INPP4B: variants seen among roughly 807,000 people sequenced by gnomAD.
INPP4B encodes the protein inositol polyphosphate-4-phosphatase type II B.
Under a neutral mutation model 122.5 loss-of-function variants are expected in INPP4B, and 55 were observed. The observed-to-expected ratio is 0.45, with a 90% CI of 0.36 to 0.56. The LOEUF (loss-of-function observed/expected upper bound fraction) is 0.56. Ranked by LOEUF, INPP4B falls within the 20% of genes least tolerant of loss-of-function variation. INPP4B has a pLI of 0.00. For missense variants in INPP4B, 1,000 were observed against 1,097.7 expected (o/e 0.91, Z 1.26); for synonymous variants, 403 against 388.7 (o/e 1.04, Z -0.43).
chr4:142,403,572 T>G (rs2149167977), intron 6 of INPP4B, among the ~76,000 whole-genome samples: 1 of 152,282 alleles, frequency 6.6e-6, no homozygotes, highest in South Asian at 2.1e-4. Flanking sequence ...ACTTGAAAAC[T>G]AATGAAAGAA....
At chr4:142,664,114 C>T (rs1194554435) in intron 2 of INPP4B, among the ~76,000 whole-genome samples, 1 of 152,028 alleles carries the variant, frequency 6.6e-6, no homozygotes, top group Non-Finnish European at 1.5e-5. Context: ...TCTACCTGGC[C>T]CACTTAACAG....
intron 10 of INPP4B, among the ~76,000 whole-genome samples, chr4:142,262,579 C>A (rs10025393): frequency 0.099 from 15,093 of 152,048 alleles, 877 homozygotes; most frequent in South Asian, 0.21. Flanking sequence ...GCATATAGCA[C>A]CAATCAATAA....
intron 25 of INPP4B, among the ~76,000 whole-genome samples, chr4:142,043,680 C>G (rs1749590850): frequency 6.6e-6 from 1 of 152,102 alleles, no homozygotes; most frequent in Non-Finnish European, 1.5e-5. Flanking sequence ...TGTTTCTTAT[C>G]TATTTTATAC....
chr4:142,321,920 G>C (rs967852232), intron 7 of INPP4B, among the ~76,000 whole-genome samples: 1 of 152,038 alleles, frequency 6.6e-6, no homozygotes, highest in Non-Finnish European at 1.5e-5. Context: ...TTAGTATATG[G>C]TTAAGAGAAA....
At chr4:142,767,183 T>C (rs899221764) in intron 1 of INPP4B, among the ~76,000 whole-genome samples, 1 of 152,148 alleles carries the variant, frequency 6.6e-6, no homozygotes, top group South Asian at 2.1e-4. Flanking sequence ...TACTTTAATG[T>C]TTGCTCTGTC....
chr4:142,809,599 T>G (rs1359849606), intron 1 of INPP4B, among the ~76,000 whole-genome samples: 1 of 152,184 alleles, frequency 6.6e-6, no homozygotes, highest in Non-Finnish European at 1.5e-5. Context: ...ATTTACAAGC[T>G]AGTAATTATA....
At chr4:142,185,398 G>GTATA (rs386401711) in intron 15 of INPP4B, among the ~76,000 whole-genome samples, 6 of 147,200 alleles carry the variant, frequency 4.1e-5, no homozygotes, top group African/African-American at 1.2e-4. Context: ...ATGTGTGTGT[G>GTATA]TATATATATA....
At chr4:142,086,893 G>C (rs181537265) in intron 23 of INPP4B, among the ~76,000 whole-genome samples, 2 of 152,304 alleles carry the variant, frequency 1.3e-5, no homozygotes, top group East Asian at 3.9e-4. Context: ...GATGTCATGA[G>C]ATATAACTTT....
chr4:142,423,337 G>A (rs1415364400), intron 5 of INPP4B, among the ~76,000 whole-genome samples: 1 of 152,074 alleles, frequency 6.6e-6, no homozygotes, highest in African/African-American at 2.4e-5. Flanking sequence ...ACATTTTCTT[G>A]TGCAGATTGT....
At chr4:142,829,268 G>A (rs1393395301) in intron 1 of INPP4B, among the ~76,000 whole-genome samples, 1 of 152,044 alleles carries the variant, frequency 6.6e-6, no homozygotes, top group Non-Finnish European at 1.5e-5. Context: ...AAGCTGACCT[G>A]TAGGAATCAT....
chr4:142,584,163 A>G (rs1220674109), intron 2 of INPP4B, among the ~76,000 whole-genome samples: 1 of 152,034 alleles, frequency 6.6e-6, no homozygotes, highest in Non-Finnish European at 1.5e-5. Context: ...ACATTTTTAT[A>G]AATATATCTT....
At chr4:142,484,848 G>GA (rs1363383208) in intron 2 of INPP4B, among the ~76,000 whole-genome samples, 1 of 151,964 alleles carries the variant, frequency 6.6e-6, no homozygotes, top group African/African-American at 2.4e-5. Context: ...GAAATCCTCA[G>GA]AAAAAGGTCT....
At chr4:142,117,831 T>G (rs9999736) in intron 21 of INPP4B, among the ~76,000 whole-genome samples, 20,122 of 152,040 alleles carry the variant, frequency 0.13, 1,497 homozygotes, top group East Asian at 0.23. Context: ...GGTATTCAAT[T>G]AGGAAAAGAG....
At chr4:142,667,965 CA>C (rs1293517069) in intron 2 of INPP4B, among the ~76,000 whole-genome samples, 1 of 152,014 alleles carries the variant, frequency 6.6e-6, no homozygotes, top group Admixed American at 6.6e-5. Flanking sequence ...TGAATTCTGT[CA>C]AATATTTAAA....
In INPP4B at chr4:142,470,641, T is replaced by C. The variant is rs57233248; in HGVS notation, c.-190-7915A>G. 6.3e-3 allele frequency among the ~76,000 whole-genome samples: 954 copies of C among 152,346 alleles called. 14 individuals carry two copies. Among genetic ancestry groups the C allele is most frequent in the African/African-American group, 0.022 (900 of 41,586 alleles). On this transcript the variant is annotated intron_variant, in intron 2 of 25. Coordinates refer to ENST00000262992, the MANE Select transcript of INPP4B (RefSeq NM_001101669.3). ...AACGACTGTCAAATATTTATCATGA[T>C]ATTACAAGTACCACAGCCAGCATGT...
chr4:142,181,272 C>T (rs1470294489), intron 15 of INPP4B, among the ~76,000 whole-genome samples: 1 of 152,130 alleles, frequency 6.6e-6, no homozygotes. Flanking sequence ...TTGCATCCAA[C>T]TGTTCTAGGT....
At chr4:142,300,755 A>G (rs1425077057) in intron 9 of INPP4B, among the ~76,000 whole-genome samples, 2 of 152,306 alleles carry the variant, frequency 1.3e-5, no homozygotes, top group African/African-American at 4.8e-5. Flanking sequence ...TATACATTAT[A>G]AAATATAATT....
At chr4:142,365,339 A>T (rs535286917) in intron 7 of INPP4B, among the ~76,000 whole-genome samples, 4 of 152,286 alleles carry the variant, frequency 2.6e-5, no homozygotes, top group Non-Finnish European at 4.4e-5. Context: ...GCAAAAATCA[A>T]CTGAGATCAC....
intron 8 of INPP4B, among the ~76,000 whole-genome samples, chr4:142,309,150 T>C (rs1764501763): frequency 6.6e-6 from 1 of 152,100 alleles, no homozygotes; most frequent in Admixed American, 6.5e-5. Flanking sequence ...CTCCCATAAA[T>C]AGAACTTTGC....
Sources: allele counts gnomAD v4.1 joint callset (sites outside exome capture counted in the v4.1 genomes callset), GRCh38; gene constraint gnomAD v4.1.1; transcripts MANE v1.5; gene names NCBI Gene and HGNC (gene_info 2026-07-23, HGNC 2026-07-21).